The following MYO16 variants were observed in gnomAD, a reference collection of about 807,000 sequenced individuals.
The protein encoded by MYO16 is unconventional myosin-XVI.
MYO16 carries 94 observed loss-of-function variants against 205.3 expected under a neutral mutation model. The ratio of observed to expected loss-of-function variants is 0.46; its 90% CI spans 0.39 to 0.54. MYO16 has a LOEUF of 0.54. MYO16 is among the 20% of genes least tolerant of loss of function. The pLI is 0.00. For synonymous variants in MYO16, 988 were observed against 954.0 expected, an observed-to-expected ratio of 1.04 and a Z score of -0.66; for missense variants, 2,315 against 2,387.5, an observed-to-expected ratio of 0.97 and a Z score of 0.63.
intron 2 of MYO16, among the ~76,000 whole-genome samples, chr13:108,710,866 A>C (rs117113812): frequency 0.018 from 2,769 of 152,350 alleles, 46 homozygotes; most frequent in South Asian, 0.051. Context: ...TCTTTGCAGA[A>C]TATAAAAAGT....
chr13:108,881,500 G>A (rs1166897093), intron 12 of MYO16, among the ~76,000 whole-genome samples: 1 of 152,202 alleles, frequency 6.6e-6, no homozygotes, highest in Non-Finnish European at 1.5e-5. Flanking sequence ...ACTTCTCCGA[G>A]CTAAAGGAGG....
At chr13:108,726,970 G>A (rs1884361948) in intron 3 of MYO16, among the ~76,000 whole-genome samples, 1 of 150,412 alleles carries the variant, frequency 6.6e-6, no homozygotes, top group Admixed American at 6.7e-5. Context: ...GAATGTTGAG[G>A]GATTAAGTTA....
At chr13:108,794,036 A>T (rs868055164) in intron 6 of MYO16, among the ~76,000 whole-genome samples, 20 of 152,320 alleles carry the variant, frequency 1.3e-4, no homozygotes, top group Middle Eastern at 6.8e-3. Context: ...AGCCACATGG[A>T]TGCAGCTGAA....
intron 34 of MYO16, 133 bp from the exon 35 acceptor site, chr13:109,206,476 T>G: frequency 1.5e-6 from 1 of 663,328 alleles, no homozygotes; most frequent in Non-Finnish European, 2.6e-6. Context: ...CAGCAGTGCA[T>G]GGAGATTGAG....
intron 20 of MYO16, among the ~76,000 whole-genome samples, chr13:108,979,982 A>G (rs575375665): frequency 4.1e-4 from 62 of 152,302 alleles, no homozygotes; most frequent in African/African-American, 1.4e-3. Flanking sequence ...GATATCTATG[A>G]TAAATTGCTT....
the MYO16 span, among the ~76,000 whole-genome samples, chr13:108,560,757 A>G: frequency 6.6e-6 from 1 of 152,222 alleles, no homozygotes; most frequent in South Asian, 2.1e-4. Context: ...TTTTTAGATG[A>G]CATTTATAAA....
At chr13:108,988,865 C>T (rs989969282) in intron 20 of MYO16, among the ~76,000 whole-genome samples, 1 of 152,130 alleles carries the variant, frequency 6.6e-6, no homozygotes, top group East Asian at 1.9e-4. Context: ...TGCTCGGGAC[C>T]AGCACCCGGC....
At chr13:108,680,800 G>A (rs928662303) in intron 2 of MYO16, among the ~76,000 whole-genome samples, 4 of 152,180 alleles carry the variant, frequency 2.6e-5, no homozygotes, top group Admixed American at 6.5e-5. Flanking sequence ...GAGTGTATGG[G>A]AGAGGTTCAG....
chr13:108,519,422 CTGTT>C, the MYO16 span, among the ~76,000 whole-genome samples: 2 of 152,136 alleles, frequency 1.3e-5, no homozygotes, highest in Admixed American at 6.5e-5. Flanking sequence ...ATTTCTTTCT[CTGTT>C]TGTTTCTTCC....
At chr13:109,056,224 A>G (rs1330628638) in intron 27 of MYO16, among the ~76,000 whole-genome samples, 3 of 152,070 alleles carry the variant, frequency 2.0e-5, no homozygotes, top group Non-Finnish European at 4.4e-5. Flanking sequence ...ACTGTGCACA[A>G]GACAGTGCAC....
intron 20 of MYO16, among the ~76,000 whole-genome samples, chr13:108,979,648 C>T (rs1884387520): frequency 6.6e-6 from 1 of 152,056 alleles, no homozygotes; most frequent in Admixed American, 6.5e-5. Context: ...AACCTGCTTT[C>T]TAAATAATCC....
Position 109,008,375 on chromosome 13 carries a change from T to C in MYO16, c.2443-522T>C, listed in dbSNP as rs1406931355. 9.3e-5 allele frequency among the ~76,000 whole-genome samples: 14 copies of C among 150,710 alleles called. No homozygotes were observed. In the East Asian group the frequency reaches 2.4e-3, roughly 25 times the overall value. The stretch of plus-strand genomic sequence containing the variant: ...ATGCACTACTGTACTATCTATCTTG[T>C]GTATGCACTACTGTACTATCTTGTG... On this transcript the variant is annotated intron_variant, in intron 21 of 34. Transcript: ENST00000457511.
At chr13:108,981,463 C>T (rs192827933) in intron 20 of MYO16, among the ~76,000 whole-genome samples, 30 of 152,336 alleles carry the variant, frequency 2.0e-4, no homozygotes, top group Admixed American at 9.8e-4. Flanking sequence ...CCTTTGAATT[C>T]GAGCTGGCCT....
intron 9 of MYO16, among the ~76,000 whole-genome samples, chr13:108,828,837 G>T (rs1876435883): frequency 6.6e-6 from 1 of 152,144 alleles, no homozygotes; most frequent in Non-Finnish European, 1.5e-5. Flanking sequence ...CACATCAGTG[G>T]GCTGGAGTTT....
intron 6 of MYO16, among the ~76,000 whole-genome samples, chr13:108,801,534 C>T (rs1886969096): frequency 6.6e-6 from 1 of 152,060 alleles, no homozygotes; most frequent in Non-Finnish European, 1.5e-5. Flanking sequence ...CATAAATATC[C>T]CACAATTAGG....
At chr13:109,123,236 A>G (rs1876076061) in intron 29 of MYO16, among the ~76,000 whole-genome samples, 1 of 152,192 alleles carries the variant, frequency 6.6e-6, no homozygotes, top group Non-Finnish European at 1.5e-5. Context: ...AAAGAATTTT[A>G]AAAGGCTATT....
chr13:108,678,034 T>C (rs1298864138), intron 2 of MYO16, among the ~76,000 whole-genome samples: 1 of 152,202 alleles, frequency 6.6e-6, no homozygotes, highest in African/African-American at 2.4e-5. Context: ...GAAAACAATC[T>C]GTAGATGATC....
At chr13:108,632,174 T>G (rs1880016755) in intron 1 of MYO16, among the ~76,000 whole-genome samples, 1 of 152,018 alleles carries the variant, frequency 6.6e-6, no homozygotes, top group African/African-American at 2.4e-5. Flanking sequence ...TTGTTCCTGA[T>G]GCGTAAGATT....
chr13:108,909,247 A>T (rs1020249979), intron 15 of MYO16, among the ~76,000 whole-genome samples: 2 of 151,868 alleles, frequency 1.3e-5, no homozygotes, highest in Non-Finnish European at 2.9e-5. Flanking sequence ...AATAAATTTC[A>T]ACACCTTGTA....
Sources: gnomAD v4.1 joint callset for allele counts (sites outside exome capture counted in the v4.1 genomes callset) on GRCh38, gnomAD v4.1.1 for gene constraint, MANE v1.5 for transcripts, NCBI Gene and HGNC (gene_info 2026-07-23, HGNC 2026-07-21) for gene names.